The following KIF5C variants were observed in gnomAD, a reference collection of about 807,000 sequenced individuals.
KIF5C encodes kinesin family member 5C.
Under a neutral mutation model 125.2 loss-of-function variants are expected in KIF5C, and 18 were observed. That is an observed-to-expected ratio of 0.14 (90% CI 0.10 to 0.21). The LOEUF is 0.21. KIF5C is among the 10% of genes least tolerant of loss of function. The pLI, the probability that KIF5C is intolerant of heterozygous loss-of-function variation, is 1.00. For missense variants in KIF5C, 780 were observed against 1,183.8 expected, an observed-to-expected ratio of 0.66 and a Z score of 5.01; for synonymous variants, 405 against 434.0, an observed-to-expected ratio of 0.93 and a Z score of 0.83.
chr2:148,984,994 G>C (rs891867459), intron 15 of KIF5C, among the ~76,000 whole-genome samples: 1 of 151,970 alleles, frequency 6.6e-6, no homozygotes, highest in Non-Finnish European at 1.5e-5. Context: ...GTGGAGATGG[G>C]GTTTCTCCAT....
At chr2:148,893,809 G>C (rs1419433720) in intron 1 of KIF5C, among the ~76,000 whole-genome samples, 2 of 152,120 alleles carry the variant, frequency 1.3e-5, no homozygotes, top group Admixed American at 1.3e-4. Context: ...ATTATTTTTA[G>C]TCTCATTACC....
rs1340827215 is a variant in KIF5C, at chr2:148,946,961, G to T, written c.652G>T (p.Val218Leu). The change falls in exon 8 of 26, where the codon GTA (valine) becomes TTA (leucine). Residue 218 changes from valine to leucine, a missense_variant. By Grantham distance (32) the Val-to-Leu change is conservative. This residue lies in a region of KIF5C where 207 missense variants were observed against 441.2 expected (regional missense o/e 0.47). Coordinates refer to ENST00000435030, the MANE Select transcript of KIF5C (RefSeq NM_004522.3). ...IFLINIKQENVETEKKLSGKL... is the reference protein window; with the variant it reads ...IFLINIKQENLETEKKLSGKL... The stretch of plus-strand genomic sequence containing the variant: ...CCTGATAAATATTAAACAAGAGAAT[G>T]TAGAGACTGAAAAAAAACTCAGTGG... 4 of 1,613,402 alleles carry T rather than the reference G, an allele frequency of 2.5e-6. No individual in the cohort carries two copies. Among genetic ancestry groups the T allele is most frequent in the Non-Finnish European group, 3.4e-6 (4 of 1,179,736 alleles).
intron 25 of KIF5C, among the ~76,000 whole-genome samples, chr2:149,019,138 C>A (rs1428653512): frequency 6.6e-6 from 1 of 152,136 alleles, no homozygotes; most frequent in African/African-American, 2.4e-5. Context: ...TTGCGGTGTG[C>A]TGTTTTGGTT....
rs555152086 is a variant in KIF5C at position 148,980,160 on chromosome 2, C to G, written c.1362+1170C>G. 2.0e-5 allele frequency among the ~76,000 whole-genome samples: 3 copies of G among 152,258 alleles called. No individual in the cohort carries two copies. In the East Asian group the frequency reaches 5.8e-4, roughly 29 times the overall value. On this transcript the variant is annotated intron_variant, in intron 13 of 25. Coordinates refer to ENST00000435030, the MANE Select transcript of KIF5C (RefSeq NM_004522.3). ...TCTCTTTAGGACAATGATTACCTCC[C>G]CTGCCCAAACACTTCCCTTGGTAGG...
At chr2:148,976,245 T>TTTTATTTA (rs145613004) in intron 12 of KIF5C, among the ~76,000 whole-genome samples, 63,193 of 143,664 alleles carry the variant, frequency 0.44, 14,335 homozygotes, top group Admixed American at 0.49. Flanking sequence ...TATTATTTTG[T>TTTTATTTA]TTTATTTATT....
rs4346318 is a variant in KIF5C, at chr2:148,922,389, A to T, written c.217+162A>T. On this transcript the variant is annotated intron_variant, in intron 2 of 25. Coordinates refer to ENST00000435030, the MANE Select transcript of KIF5C (RefSeq NM_004522.3). ...TCGGTTCTAGCCCTGATTTGCTATGATGTCAGGCAAATTATTTAATCTCTC... is the reference window on the plus strand; with the variant it reads ...TCGGTTCTAGCCCTGATTTGCTATGTTGTCAGGCAAATTATTTAATCTCTC... Among the ~76,000 whole-genome samples the T allele has an allele frequency of 0.77, 116,922 of 152,212 alleles. 48,781 individuals are homozygous for T. Among genetic ancestry groups the T allele is most frequent in the East Asian group, 0.96 (4,946 of 5,172 alleles).
intron 12 of KIF5C, among the ~76,000 whole-genome samples, chr2:148,974,215 A>G (rs1014604815): frequency 1.3e-5 from 2 of 152,232 alleles, no homozygotes; most frequent in African/African-American, 4.8e-5. Context: ...GATGTTTTAT[A>G]TGATCTTGGC....
chr2:148,904,213 C>A lies in KIF5C; in HGVS notation c.127-17924C>A, dbSNP rs1006411152. Among the ~76,000 whole-genome samples, 46 of 152,168 alleles carry A rather than the reference C, an allele frequency of 3.0e-4. 2 individuals are homozygous for A. Among genetic ancestry groups the A allele is most frequent in the Admixed American group, 3.0e-3 (46 of 15,280 alleles). ...CCATTGTCTTAATTGTGCTTAAGAGCAGCAGGCTATTATTTTGAGGTTTGT... is the reference window on the plus strand; with the variant it reads ...CCATTGTCTTAATTGTGCTTAAGAGAAGCAGGCTATTATTTTGAGGTTTGT... On this transcript the variant is annotated intron_variant, in intron 1 of 25. Coordinates refer to ENST00000435030, the MANE Select transcript of KIF5C (RefSeq NM_004522.3).
rs1471391471 is a variant in KIF5C at position 148,981,543 on chromosome 2, C to T, written c.1551C>T (p.Asp517=). ...CCCGGGCCAATGAGCAGCTGACAGA[C>T]GAGCTGGCCCAGAAAACGGTTGGAG... ...DKTRANEQLT[D]ELAQKTTTLT... is the part of the protein sequence containing the mutation. Residue 517 remains aspartate, a synonymous_variant, in exon 14 of 26, where the codon GAC becomes GAT. Transcript: ENST00000435030. 1.1e-5 allele frequency: 18 copies of T among 1,599,258 alleles called. No homozygotes were observed. Among genetic ancestry groups the T allele is most frequent in the Non-Finnish European group, 1.3e-5 (15 of 1,173,108 alleles).
chr2:148,944,098 C>G (rs1403136441), intron 7 of KIF5C, among the ~76,000 whole-genome samples: 2 of 152,100 alleles, frequency 1.3e-5, no homozygotes, highest in African/African-American at 2.4e-5. Flanking sequence ...TGGTTTGGAA[C>G]TGCTAATCTA....
At chr2:149,005,328 G>T in intron 21 of KIF5C, 65 bp from the exon 22 acceptor site, 13 of 1,576,706 alleles carry the variant, frequency 8.2e-6, no homozygotes, top group Admixed American at 5.6e-5. Flanking sequence ...GAATGATCTG[G>T]TGCCAAATGT....
chr2:148,901,113 G>A (rs558815703), intron 1 of KIF5C, among the ~76,000 whole-genome samples: 3 of 152,278 alleles, frequency 2.0e-5, no homozygotes, highest in East Asian at 1.9e-4. Flanking sequence ...GAGATGTTGC[G>A]AGGATATCTA....
chr2:149,000,905 C>G, intron 21 of KIF5C, 123 bp downstream of exon 21: 4 of 1,488,122 alleles, frequency 2.7e-6, no homozygotes, highest in Non-Finnish European at 3.6e-6. Context: ...ATAAGACATT[C>G]TATGGAAAAG....
rs970539917 is a variant in KIF5C, at chr2:148,876,522, C to G, written c.126+779C>G. On this transcript the variant is annotated intron_variant, in intron 1 of 25. Coordinates refer to ENST00000435030, the MANE Select transcript of KIF5C (RefSeq NM_004522.3). The surrounding 1 kb of genome is among the most constrained non-coding windows in gnomAD (Gnocchi z 4.7). The stretch of plus-strand genomic sequence containing the variant: ...TCCACATCTGTGGGGCGAGGGGGCT[C>G]AGAGCGCAGTAGCCCCCTGTGCCAA... Among the ~76,000 whole-genome samples, 2 of 152,208 alleles carry G rather than the reference C, an allele frequency of 1.3e-5. No homozygotes were observed. Among genetic ancestry groups the G allele is most frequent in the Non-Finnish European group, 2.9e-5 (2 of 68,026 alleles).
chr2:148,892,018 C>T (rs1681721519), intron 1 of KIF5C, among the ~76,000 whole-genome samples: 1 of 152,142 alleles, frequency 6.6e-6, no homozygotes, highest in Non-Finnish European at 1.5e-5. Context: ...CAGTATGACC[C>T]TATGAGGTAA....
Position 148,922,132 on chromosome 2 carries a change from T to C in KIF5C, c.127-5T>C, listed in dbSNP as rs1456620625. On this transcript the variant is annotated splice_polypyrimidine_tract_variant and splice_region_variant and intron_variant, in intron 1 of 25. Coordinates refer to ENST00000435030, the MANE Select transcript of KIF5C (RefSeq NM_004522.3). ...CTTTTTCTTCCCTTTGTCTTTCTTTTTTAGCAAGGGAAGCCATATGTCTTC... is the reference window on the plus strand; with the variant it reads ...CTTTTTCTTCCCTTTGTCTTTCTTTCTTAGCAAGGGAAGCCATATGTCTTC... 1.9e-6 allele frequency: 3 copies of C among 1,591,658 alleles called. No homozygotes were observed. The East Asian group carries it at 6.7e-5, about 36-fold the overall frequency.
chr2:149,009,300 A>G (rs1169589502), intron 23 of KIF5C, among the ~76,000 whole-genome samples: 1 of 152,058 alleles, frequency 6.6e-6, no homozygotes, highest in East Asian at 1.9e-4. Flanking sequence ...GAAATGCATT[A>G]TCTTATTCAT....
At chr2:148,963,138 G>A (rs573434813) in intron 11 of KIF5C, among the ~76,000 whole-genome samples, 3 of 151,806 alleles carry the variant, frequency 2.0e-5, no homozygotes, top group East Asian at 1.9e-4. Flanking sequence ...GCATTGTGAC[G>A]TAGGTTAGAA....
At chr2:148,987,423 C>T (rs546811634) in intron 15 of KIF5C, among the ~76,000 whole-genome samples, 4 of 152,088 alleles carry the variant, frequency 2.6e-5, no homozygotes, top group Non-Finnish European at 5.9e-5. Flanking sequence ...GGGGAAGGAA[C>T]TTTGGTTGGT....
Sources: allele counts gnomAD v4.1 joint callset (sites outside exome capture counted in the v4.1 genomes callset), GRCh38; gene constraint gnomAD v4.1.1; regional missense constraint gnomAD v4.1.1; non-coding constraint Gnocchi (gnomAD v3.1); transcripts MANE v1.5; gene names NCBI Gene and HGNC (gene_info 2026-07-23, HGNC 2026-07-21).